The following DAB1 variants were observed in gnomAD, a reference collection of about 807,000 sequenced individuals.
DAB1 encodes the protein disabled homolog 1.
DAB1 carries 15 observed loss-of-function variants against 64.6 expected under a neutral mutation model. The ratio of observed to expected loss-of-function variants is 0.23; its 90% CI spans 0.16 to 0.36. The LOEUF (loss-of-function observed/expected upper bound fraction) is 0.36, where lower values mean the gene tolerates loss of function less well. DAB1 is among the 10% of genes least tolerant of loss of function. DAB1 has a pLI of 1.00. For missense variants in DAB1, 596 were observed against 706.7 expected, an observed-to-expected ratio of 0.84 and a Z score of 1.78; for synonymous variants, 235 against 251.9, an observed-to-expected ratio of 0.93 and a Z score of 0.64.
chr1:57,511,797 C>T (rs145564849), intron 7 of DAB1, among the ~76,000 whole-genome samples: 14 of 152,198 alleles, frequency 9.2e-5, no homozygotes, highest in African/African-American at 3.4e-4. Flanking sequence ...ATTTATAATG[C>T]CTCTCCTCTC....
At chr1:57,207,515 C>T (rs1665673750) in intron 2 of DAB1, among the ~76,000 whole-genome samples, 1 of 126,402 alleles carries the variant, frequency 7.9e-6, no homozygotes, top group South Asian at 2.6e-4. Context: ...GGGATCTCGG[C>T]TCACTGCAAG....
chr1:57,400,552 CTT>C (rs60734651), intron 1 of DAB1, among the ~76,000 whole-genome samples: 42 of 137,344 alleles, frequency 3.1e-4, no homozygotes, highest in Non-Finnish European at 3.4e-4. Context: ...CAGTATCAGT[CTT>C]TTTTTTTTTT....
At chr1:57,972,648 C>T (rs1180118860) in intron 5 of DAB1, among the ~76,000 whole-genome samples, 4 of 152,228 alleles carry the variant, frequency 2.6e-5, no homozygotes, top group African/African-American at 4.8e-5. Flanking sequence ...TATCAGCCAA[C>T]AGAAGGTCTT....
intron 4 of DAB1, among the ~76,000 whole-genome samples, chr1:57,110,549 C>T (rs955006426): frequency 2.6e-5 from 4 of 152,188 alleles, no homozygotes; most frequent in Non-Finnish European, 5.9e-5. Flanking sequence ...AAAAACAATT[C>T]GTTGATTCAC....
At chr1:57,654,023 G>C (rs760132419) in intron 6 of DAB1, among the ~76,000 whole-genome samples, 17 of 152,130 alleles carry the variant, frequency 1.1e-4, no homozygotes, top group Non-Finnish European at 2.5e-4. Context: ...TTTCCAATTT[G>C]ATAGATATAA....
chr1:57,574,013 G>GA (rs1215944541), intron 7 of DAB1, among the ~76,000 whole-genome samples: 1 of 152,114 alleles, frequency 6.6e-6, no homozygotes, highest in Non-Finnish European at 1.5e-5. Flanking sequence ...GTGGCCAGAA[G>GA]AAAAAAGAAG....
intron 1 of DAB1, among the ~76,000 whole-genome samples, chr1:57,330,829 A>G (rs1395922125): frequency 6.6e-6 from 1 of 152,150 alleles, no homozygotes; most frequent in African/African-American, 2.4e-5. Flanking sequence ...AGCAGGCAGT[A>G]CAGTGTGAAC....
chr1:57,443,092 T>C (rs1339324454), intron 7 of DAB1, among the ~76,000 whole-genome samples: 1 of 152,216 alleles, frequency 6.6e-6, no homozygotes, highest in African/African-American at 2.4e-5. Flanking sequence ...GGGTACATAA[T>C]GTTTCTTCCA....
At chr1:58,186,932 T>C (rs1165185019) in intron 4 of DAB1, among the ~76,000 whole-genome samples, 4 of 152,172 alleles carry the variant, frequency 2.6e-5, no homozygotes, top group Admixed American at 1.3e-4. Context: ...CATTTGATAA[T>C]ATCTTGTTGG....
chr1:57,840,318 G>A (rs1022394632), intron 1 of DAB1, among the ~76,000 whole-genome samples: 2 of 152,178 alleles, frequency 1.3e-5, no homozygotes, highest in African/African-American at 2.4e-5. Context: ...TATAGAAAAA[G>A]TATAAGCAAC....
intron 7 of DAB1, among the ~76,000 whole-genome samples, chr1:57,645,621 G>A (rs2101648295): frequency 6.6e-6 from 1 of 152,306 alleles, no homozygotes; most frequent in African/African-American, 2.4e-5. Context: ...TAATGTTCCA[G>A]ACCCTTTCAC....
At chr1:57,148,138 A>G (rs1220131517) in intron 2 of DAB1, among the ~76,000 whole-genome samples, 1 of 152,238 alleles carries the variant, frequency 6.6e-6, no homozygotes, top group African/African-American at 2.4e-5. Context: ...AACAGATTCC[A>G]GTCATCAGTC....
intron 4 of DAB1, among the ~76,000 whole-genome samples, chr1:58,183,547 G>A (rs1656910074): frequency 6.6e-6 from 1 of 152,022 alleles, no homozygotes; most frequent in African/African-American, 2.4e-5. Context: ...TCATTTATTT[G>A]CCTTACAGAT....
At chr1:57,663,517 G>A (rs1479345799) in intron 6 of DAB1, among the ~76,000 whole-genome samples, 1 of 152,176 alleles carries the variant, frequency 6.6e-6, no homozygotes, top group Non-Finnish European at 1.5e-5. Context: ...GAACAGGTAT[G>A]ACTTGATGTT....
At chr1:58,139,191 C>A (rs1654138492) in intron 5 of DAB1, among the ~76,000 whole-genome samples, 1 of 152,118 alleles carries the variant, frequency 6.6e-6, no homozygotes, top group Non-Finnish European at 1.5e-5. Context: ...CCGTCAAAAC[C>A]ATAATGTCAT....
At chr1:57,343,556 G>T (rs1217985488) in intron 1 of DAB1, among the ~76,000 whole-genome samples, 1 of 152,238 alleles carries the variant, frequency 6.6e-6, no homozygotes, top group African/African-American at 2.4e-5. Context: ...GTCGGGGGAG[G>T]CTCAGGCATG....
chr1:58,251,860 G>A (rs1485911102), intron 4 of DAB1, among the ~76,000 whole-genome samples: 1 of 152,242 alleles, frequency 6.6e-6, no homozygotes, highest in East Asian at 1.9e-4. Flanking sequence ...GTGGGTGGAA[G>A]GAGAGGATCC....
intron 3 of DAB1, among the ~76,000 whole-genome samples, chr1:58,407,025 T>A (rs1644623170): frequency 6.6e-6 from 1 of 152,184 alleles, no homozygotes; most frequent in African/African-American, 2.4e-5. Context: ...AGATGTGACA[T>A]TTTGAACTGT....
intron 6 of DAB1, among the ~76,000 whole-genome samples, chr1:57,703,309 C>A (rs970126556): frequency 6.6e-6 from 1 of 151,928 alleles, no homozygotes; most frequent in Non-Finnish European, 1.5e-5. Flanking sequence ...GTCTAATGTC[C>A]AGCATTTATA....
Sources: gnomAD v4.1 joint callset for allele counts (sites outside exome capture counted in the v4.1 genomes callset) on GRCh38, gnomAD v4.1.1 for gene constraint, MANE v1.5 for transcripts, NCBI Gene and HGNC (gene_info 2026-07-23, HGNC 2026-07-21) for gene names.